The following SMAGP variants were observed in gnomAD, a reference collection of about 807,000 sequenced individuals.
SMAGP encodes small cell adhesion glycoprotein, also known as small cell transmembrane and glycosylated protein.
Under a neutral mutation model 10.1 loss-of-function variants are expected in SMAGP, and 7 were observed. The observed-to-expected ratio is 0.70, with a 90% CI of 0.40 to 1.31. The LOEUF (loss-of-function observed/expected upper bound fraction) is 1.31. SMAGP is among the 50% of genes most tolerant of loss of function. The pLI is 0.01. For missense variants in SMAGP, 113 were observed against 116.5 expected, an observed-to-expected ratio of 0.97 and a Z score of 0.14; for synonymous variants, 49 against 47.2, an observed-to-expected ratio of 1.04 and a Z score of -0.16.
At chr12:51,251,606 AAG>A (rs1403044417) in intron 2 of SMAGP, 3 of 151,766 alleles carry the variant, frequency 2.0e-5, no homozygotes, top group Non-Finnish European at 4.4e-5. Flanking sequence ...AAAAAAAAAA[AAG>A]AATAAAGGTG....
In SMAGP at chr12:51,245,101, A is replaced by G. The variant is rs1944749385; in HGVS notation, c.*840T>C. 1.3e-5 allele frequency: 2 copies of G among 152,020 alleles called. No homozygotes were observed. Among genetic ancestry groups the G allele is most frequent in the South Asian group, 4.2e-4 (2 of 4,818 alleles). The allele number at this position is 152,020 out of a possible 1,614,324, so 9.4% of individuals were successfully genotyped here. On this transcript the variant is annotated 3_prime_UTR_variant, in exon 4 of 4. Transcript: ENST00000603798. ...CTCGGCCTCCCAAAGTGCTGGGATC[A>G]CAGGCGTGAGCCACCGAACCCGGCC...
At chr12:51,246,486 T>G in intron 3 of SMAGP, 1 of 442,084 alleles carries the variant, frequency 2.3e-6, no homozygotes, top group Non-Finnish European at 4.0e-6. Context: ...ACCACATATA[T>G]CCTCGTCCCT....
intron 3 of SMAGP, 56 bp downstream of exon 3, chr12:51,246,695 G>T: frequency 1.4e-6 from 2 of 1,388,968 alleles, no homozygotes; most frequent in Non-Finnish European, 1.9e-6. Context: ...GGCTCCCTCT[G>T]GAGAGAGATG....
intron 2 of SMAGP, among the ~76,000 whole-genome samples, chr12:51,261,090 T>C (rs539349951): frequency 3.0e-4 from 29 of 97,508 alleles, no homozygotes; most frequent in African/African-American, 9.1e-4. Context: ...TGCCCAGCCT[T>C]AATTTTTTTT....
At chr12:51,255,616 T>G (rs1488857496) in intron 2 of SMAGP, among the ~76,000 whole-genome samples, 1 of 152,152 alleles carries the variant, frequency 6.6e-6, no homozygotes, top group Non-Finnish European at 1.5e-5. Flanking sequence ...TAGCAGACCT[T>G]CCAGCAGCAA....
At chr12:51,249,683 T>A (rs1944817379) in intron 2 of SMAGP, among the ~76,000 whole-genome samples, 1 of 151,990 alleles carries the variant, frequency 6.6e-6, no homozygotes, top group Non-Finnish European at 1.5e-5. Flanking sequence ...AGTGGCGCAA[T>A]CTCGGCTCAC....
At chr12:51,259,276 G>C (rs541759443) in intron 2 of SMAGP, among the ~76,000 whole-genome samples, 42 of 152,228 alleles carry the variant, frequency 2.8e-4, no homozygotes, top group Middle Eastern at 3.4e-3. Context: ...GGGAAGATTC[G>C]ACAATTTTAA....
At chr12:51,251,292 TGGA>T (rs935798587) in intron 2 of SMAGP, among the ~76,000 whole-genome samples, 1 of 151,576 alleles carries the variant, frequency 6.6e-6, no homozygotes, top group African/African-American at 2.4e-5. Flanking sequence ...AAATAATATA[TGGA>T]GGAGGCTGGG....
chr12:51,269,168 A>T, intron 2 of SMAGP, 77 bp downstream of exon 2: 4 of 1,544,760 alleles, frequency 2.6e-6, no homozygotes, highest in Non-Finnish European at 3.6e-6. Flanking sequence ...ACCTGGGCTG[A>T]GGCTTCCAGG....
At position 51,245,479 on chromosome 12, in the gene SMAGP, T is replaced by TC. The variant is rs1944755503; in HGVS notation, c.*461dup. The TC allele has an allele frequency of 6.5e-6, 1 of 154,528 alleles. No individual in the cohort carries two copies. Among genetic ancestry groups the TC allele is most frequent in the Admixed American group, 6.4e-5 (1 of 15,554 alleles). 9.6% of individuals were successfully genotyped at this position (154,528 alleles called of 1,614,324 possible). A position where few individuals can be genotyped will look rare whatever the true frequency, so the allele number is the denominator to read the frequency against. On this transcript the variant is annotated 3_prime_UTR_variant, in exon 4 of 4. Transcript: ENST00000603798. ...TTATCAGGAGGTAAGATCTCCATAG[T>TC]CTCCTACCCCTCCTGGCCTGGCCTT...
At chr12:51,254,987 GC>G (rs1346667373) in intron 2 of SMAGP, among the ~76,000 whole-genome samples, 1 of 152,138 alleles carries the variant, frequency 6.6e-6, no homozygotes, top group Non-Finnish European at 1.5e-5. Context: ...GAGGTGGGAA[GC>G]TTTTACAGGT....
chr12:51,257,626 C>T lies in SMAGP; in HGVS notation c.35-10795G>A, dbSNP rs557408797. ...GTGGTGCCACCTTGGGTCACTGTAA[C>T]CTCCTCCTCCCAGGTTATAATGATT... On this transcript the variant is annotated intron_variant, in intron 2 of 3. Coordinates refer to ENST00000603798, the MANE Select transcript of SMAGP (RefSeq NM_001031628.2). Among the ~76,000 whole-genome samples, 3 of 151,992 alleles carry T rather than the reference C, an allele frequency of 2.0e-5. No individual in the cohort carries two copies. The South Asian group carries it at 6.2e-4, about 32-fold the overall frequency.
At chr12:51,255,953 T>C (rs1366956319) in intron 2 of SMAGP, among the ~76,000 whole-genome samples, 6 of 152,110 alleles carry the variant, frequency 3.9e-5, no homozygotes, top group Non-Finnish European at 8.8e-5. Context: ...GTATTTTTAG[T>C]AGAGACGGGG....
chr12:51,266,707 G>A (rs979326955), intron 2 of SMAGP, among the ~76,000 whole-genome samples: 1 of 152,166 alleles, frequency 6.6e-6, no homozygotes, highest in Non-Finnish European at 1.5e-5. Flanking sequence ...GAGATTTCAG[G>A]CATCCACTGG....
At chr12:51,258,758 C>T (rs753894157) in intron 2 of SMAGP, among the ~76,000 whole-genome samples, 1 of 151,964 alleles carries the variant, frequency 6.6e-6, no homozygotes, top group Non-Finnish European at 1.5e-5. Flanking sequence ...TAACCTTAGT[C>T]CTTTTTGAAT....
At chr12:51,246,628 G>GTGTGTA in intron 3 of SMAGP, 123 bp downstream of exon 3, 1 of 604,220 alleles carries the variant, frequency 1.7e-6, no homozygotes, top group South Asian at 2.4e-5. Flanking sequence ...GTGTGTGTGT[G>GTGTGTA]TGTGTGTGTG....
At chr12:51,256,772 C>T (rs1944889279) in intron 2 of SMAGP, among the ~76,000 whole-genome samples, 1 of 113,702 alleles carries the variant, frequency 8.8e-6, no homozygotes, top group African/African-American at 3.2e-5. Context: ...AAACCTCCCC[C>T]CCACCCAAAA....
chr12:51,258,889 G>A (rs1037758442), intron 2 of SMAGP, among the ~76,000 whole-genome samples: 3 of 145,586 alleles, frequency 2.1e-5, no homozygotes, highest in African/African-American at 5.0e-5. Context: ...GCTCATGCCT[G>A]TAATCCCAAC....
chr12:51,258,953 C>G (rs1944909044), intron 2 of SMAGP, among the ~76,000 whole-genome samples: 1 of 142,912 alleles, frequency 7.0e-6, no homozygotes, highest in African/African-American at 2.6e-5. Context: ...TCAAAGCCAG[C>G]CTGGGCAACA....
Sources: gnomAD v4.1 joint callset for allele counts (sites outside exome capture counted in the v4.1 genomes callset) on GRCh38, gnomAD v4.1.1 for gene constraint, MANE v1.5 for transcripts, NCBI Gene and HGNC (gene_info 2026-07-23, HGNC 2026-07-21) for gene names.